The following ARFGEF3 variants were observed in gnomAD, a reference collection of about 807,000 sequenced individuals.
The protein encoded by ARFGEF3 is ARFGEF family member 3.
Under a neutral mutation model 221.7 loss-of-function variants are expected in ARFGEF3, and 96 were observed. The ratio of observed to expected loss-of-function variants is 0.43; its 90% CI spans 0.37 to 0.51. The LOEUF (loss-of-function observed/expected upper bound fraction) is 0.51. ARFGEF3 is among the 20% of genes least tolerant of loss of function. ARFGEF3 has a pLI of 0.00. For missense variants in ARFGEF3, 2,410 were observed against 2,789.9 expected, an observed-to-expected ratio of 0.86 and a Z score of 3.07; for synonymous variants, 1,145 against 1,126.8, an observed-to-expected ratio of 1.02 and a Z score of -0.32.
At chr6:138,176,080 C>T (rs75853286) in intron 2 of ARFGEF3, among the ~76,000 whole-genome samples, 6,145 of 151,946 alleles carry the variant, frequency 0.04, 138 homozygotes, top group Middle Eastern at 0.092. Context: ...TTTTGATTTC[C>T]GTTTGCATGG....
chr6:138,254,800 A>G (rs1179635857), intron 9 of ARFGEF3, among the ~76,000 whole-genome samples: 4 of 152,246 alleles, frequency 2.6e-5, no homozygotes, highest in East Asian at 1.9e-4. Flanking sequence ...GATGATGATT[A>G]TGGCAGAATA....
In ARFGEF3 at chr6:138,268,866, A is replaced by G. The variant is rs558822957; in HGVS notation, c.2128+5255A>G. 2.6e-5 allele frequency among the ~76,000 whole-genome samples: 4 copies of G among 152,386 alleles called. 1 individual carries two copies. The highest frequency in any genetic ancestry group is 9.6e-5 in the African/African-American group (4 of 41,592). ...TAAAGTACCAGATTTCCTAAAAGATAGTGTAGCAAGTATAAATCTCAGTTG... is the reference window on the plus strand; with the variant it reads ...TAAAGTACCAGATTTCCTAAAAGATGGTGTAGCAAGTATAAATCTCAGTTG... On this transcript the variant is annotated intron_variant, in intron 12 of 33. Coordinates refer to ENST00000251691, the MANE Select transcript of ARFGEF3 (RefSeq NM_020340.5).
chr6:138,171,534 C>T (rs544031825), intron 2 of ARFGEF3, among the ~76,000 whole-genome samples: 122 of 152,310 alleles, frequency 8.0e-4, no homozygotes, highest in East Asian at 5.0e-3. Flanking sequence ...ATTTCCCCAC[C>T]TTCTTCCCCT....
At chr6:138,232,222 TGG>T (rs1374475398) in intron 5 of ARFGEF3, among the ~76,000 whole-genome samples, 6 of 152,070 alleles carry the variant, frequency 3.9e-5, no homozygotes, top group Non-Finnish European at 8.8e-5. Flanking sequence ...AAGAAAAAGG[TGG>T]GGCTGGGCAC....
rs766800641 is a variant in ARFGEF3 at position 138,238,513 on chromosome 6, G to T, written c.425G>T (p.Cys142Phe). 1 of 1,613,474 alleles carries T rather than the reference G, an allele frequency of 6.2e-7. No homozygotes were observed. The highest frequency in any genetic ancestry group is 8.5e-7 in the Non-Finnish European group (1 of 1,179,540). Residue 142 changes from cysteine to phenylalanine, a missense_variant, in exon 6 of 34, where the codon TGC becomes TTC. Physicochemically the swap from Cys to Phe is radical, Grantham distance 205. Coordinates refer to ENST00000251691, the MANE Select transcript of ARFGEF3 (RefSeq NM_020340.5). Reference sequence around the variant, plus strand: ...GCTGTCTTATTTCTTTAACAGGTGTGCATTGAGACGTACATAAGCAGCTGT... The same window carrying T: ...GCTGTCTTATTTCTTTAACAGGTGTTCATTGAGACGTACATAAGCAGCTGT... Reference protein sequence around the residue: ...GSAVLKIAEVCIETYISSCHQ... With the variant: ...GSAVLKIAEVFIETYISSCHQ...
intron 25 of ARFGEF3, 41 bp downstream of exon 25, chr6:138,311,551 G>C (rs745865071): frequency 8.6e-6 from 12 of 1,402,926 alleles, no homozygotes; most frequent in Non-Finnish European, 1.2e-5. Context: ...CTGGAAACCT[G>C]CCTCGGAACA....
Position 138,342,431 on chromosome 6 carries a change from T to C in ARFGEF3, c.*5945T>C, listed in dbSNP as rs1280348631. 4 of 152,216 alleles carry C rather than the reference T, an allele frequency of 2.6e-5. No homozygotes were observed. The highest frequency in any genetic ancestry group is 9.6e-5 in the African/African-American group (4 of 41,466). The allele number at this position is 152,216 out of a possible 1,614,324, so 9.4% of individuals were successfully genotyped here. ...GGGATTGGATTCTATACAGCAGTCT[T>C]GCTCAATCTTCCCAGTTTCCAGTTT... On this transcript the variant is annotated 3_prime_UTR_variant, in exon 34 of 34. Transcript: ENST00000251691.
intron 2 of ARFGEF3, among the ~76,000 whole-genome samples, chr6:138,184,641 T>C (rs557912372): frequency 6.6e-6 from 1 of 152,262 alleles, no homozygotes; most frequent in South Asian, 2.1e-4. Context: ...CAAGATTTGG[T>C]AAACTTGACT....
chr6:138,203,724 G>A (rs138127736), intron 2 of ARFGEF3, among the ~76,000 whole-genome samples: 10 of 152,178 alleles, frequency 6.6e-5, no homozygotes, highest in African/African-American at 1.9e-4. Flanking sequence ...TCACTGCAAC[G>A]CCTGCCTCCC....
intron 12 of ARFGEF3, among the ~76,000 whole-genome samples, chr6:138,270,976 G>C (rs971025390): frequency 2.6e-5 from 4 of 152,224 alleles, no homozygotes; most frequent in Admixed American, 2.6e-4. Context: ...CTCCAAGCCA[G>C]GGTGGTCAGT....
rs1458785606 is a variant in ARFGEF3 at position 138,269,198 on chromosome 6, A to G, written c.2128+5587A>G. On this transcript the variant is annotated intron_variant, in intron 12 of 33. Transcript: ENST00000251691. ...GGCGGTGGGCAGCCACAGACCTGCA[A>G]CCTCTGCCCAGCCTGGGCTCTCCCT... Among the ~76,000 whole-genome samples, 3 of 152,200 alleles carry G rather than the reference A, an allele frequency of 2.0e-5. No homozygotes were observed. In the East Asian group the frequency reaches 5.8e-4, roughly 29 times the overall value.
chr6:138,259,875 C>T (rs190186529), intron 10 of ARFGEF3, among the ~76,000 whole-genome samples: 1 of 152,160 alleles, frequency 6.6e-6, no homozygotes, highest in East Asian at 1.9e-4. Flanking sequence ...GATTGTGCTG[C>T]TGTACTCCAG....
intron 3 of ARFGEF3, among the ~76,000 whole-genome samples, chr6:138,209,060 C>T (rs1422737692): frequency 6.6e-6 from 1 of 152,082 alleles, no homozygotes; most frequent in East Asian, 1.9e-4. Context: ...GTGAGGTAGA[C>T]TCCTGGAAGT....
intron 4 of ARFGEF3, among the ~76,000 whole-genome samples, chr6:138,212,158 A>C (rs1193149612): frequency 6.6e-6 from 1 of 152,234 alleles, no homozygotes; most frequent in Non-Finnish European, 1.5e-5. Context: ...AATCTAGCTA[A>C]TTAACAAATG....
In ARFGEF3 at chr6:138,291,074, C is replaced by T. The variant is rs1448865089; in HGVS notation, c.3048-659C>T. On this transcript the variant is annotated intron_variant, in intron 18 of 33. Coordinates refer to ENST00000251691, the MANE Select transcript of ARFGEF3 (RefSeq NM_020340.5). This position sits in a 1 kb window ranked among gnomAD's most constrained non-coding sequence, Gnocchi z 4.5. Reference sequence around the variant, plus strand: ...AACAGACTTACTCCGAGATGAGGGACCTTGCGAACCATCTTCGTCCCAGGT... The same window carrying T: ...AACAGACTTACTCCGAGATGAGGGATCTTGCGAACCATCTTCGTCCCAGGT... Among the ~76,000 whole-genome samples the T allele has an allele frequency of 1.3e-5, 2 of 152,116 alleles. No homozygotes were observed. Among genetic ancestry groups the T allele is most frequent in the Non-Finnish European group, 2.9e-5 (2 of 68,024 alleles).
chr6:138,286,260 C>T (rs1322891669), intron 15 of ARFGEF3, among the ~76,000 whole-genome samples: 1 of 152,136 alleles, frequency 6.6e-6, no homozygotes, highest in Non-Finnish European at 1.5e-5. Context: ...ACCATCCTGG[C>T]TAACACGGTG....
At chr6:138,331,181 A>G (rs1279076937) in intron 32 of ARFGEF3, among the ~76,000 whole-genome samples, 2 of 152,258 alleles carry the variant, frequency 1.3e-5, no homozygotes, top group African/African-American at 2.4e-5. Context: ...CAGTTTAAAA[A>G]TATACCAGCA....
intron 9 of ARFGEF3, 32 bp from the exon 10 acceptor site, chr6:138,255,404 G>C: frequency 6.6e-7 from 1 of 1,509,004 alleles, no homozygotes; most frequent in Non-Finnish European, 9.0e-7. Context: ...TGGCTCGTGG[G>C]GAAAGTTACT....
intron 8 of ARFGEF3, among the ~76,000 whole-genome samples, chr6:138,251,910 G>A (rs1260067217): frequency 2.6e-5 from 4 of 152,178 alleles, no homozygotes; most frequent in Admixed American, 2.0e-4. Flanking sequence ...TCCCGTAAGA[G>A]TGAAGAAACA....
Sources: gnomAD v4.1 joint callset for allele counts (sites outside exome capture counted in the v4.1 genomes callset) on GRCh38, gnomAD v4.1.1 for gene constraint, Gnocchi (gnomAD v3.1) non-coding constraint, MANE v1.5 for transcripts, NCBI Gene and HGNC (gene_info 2026-07-23, HGNC 2026-07-21) for gene names.